Variants in FUBP1 observed in about 807,000 individuals in gnomAD.
The protein encoded by FUBP1 is far upstream element binding protein 1, also known as far upstream element-binding protein 1.
FUBP1 carries 16 observed loss-of-function variants against 94.9 expected under a neutral mutation model. The observed-to-expected ratio is 0.17, with a 90% confidence interval of 0.11 to 0.26. The LOEUF is 0.26. FUBP1 is among the 10% of genes least tolerant of loss of function. FUBP1 has a pLI of 1.00. For synonymous variants in FUBP1, 279 were observed against 254.9 expected, an observed-to-expected ratio of 1.09 and a Z score of -0.90; for missense variants, 583 against 808.6, an observed-to-expected ratio of 0.72 and a Z score of 3.38.
At position 77,962,801 on chromosome 1, in the gene FUBP1, T is replaced by C. The variant is rs61758966; in HGVS notation, c.1313A>G (p.Tyr438Cys). ...TIRGTPQQID[Y>C]ARQLIEEKIG... is the part of the protein sequence containing the mutation. ...CTTTTCTTCTATGAGTTGCCGAGCA[T>C]AGTCTATCTGTTGTGGAGTGCCACG... The change falls in exon 14 of 20, where the codon TAT (tyrosine) becomes TGT (cysteine). Residue 438 changes from tyrosine (Y) to cysteine (C), a missense_variant. Tyr to Cys is a radical substitution (Grantham distance 194). Transcript: ENST00000370768. 3 of 1,612,218 alleles carry C rather than the reference T, an allele frequency of 1.9e-6. No homozygotes were observed. The highest frequency in any genetic ancestry group is 2.7e-5 in the African/African-American group (2 of 74,900).
chr1:77,967,542 T>C, intron 4 of FUBP1, 85 bp downstream of exon 4: 1 of 952,878 alleles, frequency 1.0e-6, no homozygotes, highest in Admixed American at 1.9e-5. Flanking sequence ...CAGACACATA[T>C]TCAATATACA....
intron 1 of FUBP1, among the ~76,000 whole-genome samples, chr1:77,977,649 C>A (rs997657603): frequency 6.6e-6 from 1 of 152,182 alleles, no homozygotes; most frequent in Non-Finnish European, 1.5e-5. Flanking sequence ...TTAAGTTTTA[C>A]AAATCAATCT....
chr1:77,954,123 G>A (rs1654008938), intron 18 of FUBP1, among the ~76,000 whole-genome samples: 1 of 152,110 alleles, frequency 6.6e-6, no homozygotes, highest in South Asian at 2.1e-4. Context: ...ACCGCACGTG[G>A]CTCATGCTCA....
chr1:77,947,472 G>A lies in FUBP1; in HGVS notation c.*1294C>T, dbSNP rs911374924. 8.7e-7 allele frequency: 1 copy of A among 1,145,104 alleles called. No homozygotes were observed. The highest frequency in any genetic ancestry group is 1.5e-5 in the African/African-American group (1 of 64,676). 70.9% of individuals were successfully genotyped at this position (1,145,104 alleles called of 1,614,324 possible). ...ACTTACAGTGCAATGCTCCTTGAAG[G>A]AACACAATCAAGGATGATACACAGC... On this transcript the variant is annotated 3_prime_UTR_variant, in exon 20 of 20. Transcript: ENST00000370768.
chr1:77,966,626 G>A, intron 7 of FUBP1, 68 bp downstream of exon 7: 1 of 819,566 alleles, frequency 1.2e-6, no homozygotes, highest in Non-Finnish European at 2.1e-6. Context: ...GTAACAAAGA[G>A]AAGAGACAAA....
At chr1:77,974,262 A>C (rs1039876851) in intron 1 of FUBP1, among the ~76,000 whole-genome samples, 2 of 150,242 alleles carry the variant, frequency 1.3e-5, no homozygotes, top group African/African-American at 4.9e-5. Context: ...CAGTCTCCTG[A>C]GTAGCTGGGA....
At chr1:77,979,079 G>A, upstream of FUBP1, 1 of 1,368,328 alleles carries the variant, frequency 7.3e-7, no homozygotes, top group Non-Finnish European at 9.9e-7. Context: ...AAAGAAAATG[G>A]CGGCCGTCGA....
chr1:77,963,623 T>C lies in FUBP1; in HGVS notation c.1134A>G (p.Glu378=), dbSNP rs767570047. 6.2e-7 allele frequency: 1 copy of C among 1,601,374 alleles called. No individual in the cohort carries two copies. Among genetic ancestry groups the C allele is most frequent in the South Asian group, 1.1e-5 (1 of 90,792 alleles). The part of the protein sequence containing the change: ...WNMGPPGGLQ[E]FNFIVPTGKT... The stretch of plus-strand genomic sequence containing the variant: ...TCCCAGTTGGCACAATAAAATTAAA[T>C]TCCTGTAGTCCACCAGGTGGTCCCA... The change falls in exon 13 of 20, where the codon GAA becomes GAG. Residue 378 remains glutamate (E), a synonymous_variant. Coordinates refer to ENST00000370768, the MANE Select transcript of FUBP1 (RefSeq NM_003902.5).
chr1:77,978,636 G>A (rs1035845847), intron 1 of FUBP1, among the ~76,000 whole-genome samples: 2 of 152,224 alleles, frequency 1.3e-5, no homozygotes, highest in Non-Finnish European at 1.5e-5. Context: ...TGCCGCAGAA[G>A]CGGGAGAAAG....
intron 1 of FUBP1, among the ~76,000 whole-genome samples, chr1:77,972,805 A>G (rs956061487): frequency 1.5e-4 from 23 of 151,980 alleles, no homozygotes; most frequent in South Asian, 4.2e-4. Context: ...AGAAAAAATG[A>G]AAGTTGACAG....
chr1:77,960,064 T>C (rs1007058950), intron 16 of FUBP1, 120 bp downstream of exon 16: 12 of 720,284 alleles, frequency 1.7e-5, no homozygotes, highest in Non-Finnish European at 2.7e-5. Context: ...CTAACACTGT[T>C]GAAAGAGTAA....
intron 16 of FUBP1, among the ~76,000 whole-genome samples, chr1:77,959,875 CAT>C (rs1655140505): frequency 1.3e-5 from 2 of 152,326 alleles, no homozygotes; most frequent in African/African-American, 4.8e-5. Flanking sequence ...TCACAATGAA[CAT>C]ACTACACATT....
chr1:77,963,561 T>TA lies in FUBP1; in HGVS notation c.1183+12dup, dbSNP rs1432780231. The TA allele has an allele frequency of 2.7e-6, 4 of 1,501,848 alleles. No individual in the cohort carries two copies. In the Admixed American group the frequency reaches 5.1e-5, roughly 19 times the overall value. 93.0% of individuals were successfully genotyped at this position (1,501,848 alleles called of 1,614,324 possible). A position where few individuals can be genotyped will look rare whatever the true frequency, so the allele number is the denominator to read the frequency against. ...ATAATGTGTTAAAACATTAAGAGTT[T>TA]AAAATACATTGCCTTTTCCTATTAT... On this transcript the variant is annotated intron_variant, in intron 13 of 19. Transcript: ENST00000370768.
chr1:77,964,376 G>T lies in FUBP1; in HGVS notation c.838-20C>A. On this transcript the variant is annotated intron_variant, in intron 10 of 19. Transcript: ENST00000370768. ...GGGGACCTTATGTAAAAAAGACTAA[G>T]TATTAAGAAAGCTAGCTTCTCAGGG... is the stretch of plus-strand genomic sequence containing the variant. 1 of 1,423,028 alleles carries T rather than the reference G, an allele frequency of 7.0e-7. No individual in the cohort carries two copies. Among genetic ancestry groups the T allele is most frequent in the Non-Finnish European group, 9.8e-7 (1 of 1,021,036 alleles). The allele number at this position is 1,423,028 out of a possible 1,614,324, so 88.2% of individuals were successfully genotyped here. A position where few individuals can be genotyped will look rare whatever the true frequency, so the allele number is the denominator to read the frequency against.
At chr1:77,967,978 C>T (rs774851707) in intron 3 of FUBP1, among the ~76,000 whole-genome samples, 187 bp downstream of exon 3, 9 of 151,914 alleles carry the variant, frequency 5.9e-5, no homozygotes, top group Non-Finnish European at 8.8e-5. Context: ...TTACATATAC[C>T]CGGCCACAAT....
intron 16 of FUBP1, among the ~76,000 whole-genome samples, chr1:77,957,473 A>G (rs1162147193): frequency 6.6e-6 from 1 of 152,166 alleles, no homozygotes; most frequent in East Asian, 1.9e-4. Flanking sequence ...TCTACACTTG[A>G]CTGACCCTCA....
At chr1:77,958,555 A>T (rs1479244153) in intron 16 of FUBP1, among the ~76,000 whole-genome samples, 2 of 152,224 alleles carry the variant, frequency 1.3e-5, no homozygotes, top group Non-Finnish European at 2.9e-5. Context: ...CCCTTTGATA[A>T]ATCTGAGTGG....
Position 77,967,660 on chromosome 1 carries a change from C to A in FUBP1, c.257G>T (p.Gly86Val). Reference sequence around the variant, plus strand: ...CTGATGCATCGGTGGTAACTGTGTTCCAAAAGCTATCAAAAAATTAAATAA... The same window carrying A: ...CTGATGCATCGGTGGTAACTGTGTTACAAAAGCTATCAAAAAATTAAATAA... ...KKVAPQNDSF[G>V]TQLPPMHQQQ... Residue 86 changes from glycine (G) to valine (V), a missense_variant, in exon 4 of 20, where the codon GGA (glycine) becomes GTA (valine). Transcript: ENST00000370768. 1 of 1,567,586 alleles carries A rather than the reference C, an allele frequency of 6.4e-7. No homozygotes were observed. The highest frequency in any genetic ancestry group is 8.7e-7 in the Non-Finnish European group (1 of 1,146,016).
chr1:77,973,301 AG>A (rs1464938563), intron 1 of FUBP1, among the ~76,000 whole-genome samples: 1 of 152,190 alleles, frequency 6.6e-6, no homozygotes, highest in African/African-American at 2.4e-5. Flanking sequence ...ACTAGAGTGC[AG>A]TGGCGTGATC....
Sources: allele counts gnomAD v4.1 joint callset (sites outside exome capture counted in the v4.1 genomes callset), GRCh38; gene constraint gnomAD v4.1.1; transcripts MANE v1.5; gene names NCBI Gene and HGNC (gene_info 2026-07-23, HGNC 2026-07-21).